Variants in MAPK10 observed in about 807,000 individuals in gnomAD.
MAPK10 encodes the protein mitogen-activated protein kinase 10.
In MAPK10, 25 loss-of-function variants were observed where a neutral mutation model predicts 59.3. The observed-to-expected ratio is 0.42, with a 90% confidence interval of 0.31 to 0.59. The LOEUF is 0.59. MAPK10 is among the 20% of genes least tolerant of loss of function. The pLI, the probability that MAPK10 is intolerant of heterozygous loss-of-function variation, is 0.15. For synonymous variants in MAPK10, 190 were observed against 200.5 expected (o/e 0.95, Z 0.44); for missense variants, 351 against 568.9 (o/e 0.62, Z 3.90).
chr4:86,017,460 T>A lies in MAPK10; in HGVS notation c.1253-90A>T, dbSNP rs1015288629. On this transcript the variant is annotated intron_variant, in intron 13 of 13. Coordinates refer to ENST00000641462, the MANE Select transcript of MAPK10 (RefSeq NM_138982.4). The surrounding 1 kb of genome is among the most constrained non-coding windows in gnomAD (Gnocchi z 4.4). ...AGGATTCAGGGATGGGCAAATACAA[T>A]AGGGGATGTCCAGTCCATCAATCAT... 3.6e-6 allele frequency: 5 copies of A among 1,391,526 alleles called. No homozygotes were observed. In the East Asian group the frequency reaches 6.9e-5, roughly 19 times the overall value. The allele number at this position is 1,391,526 out of a possible 1,614,324, so 86.2% of individuals were successfully genotyped here. A position where few individuals can be genotyped will look rare whatever the true frequency, so the allele number is the denominator to read the frequency against.
intron 1 of MAPK10, among the ~76,000 whole-genome samples, chr4:86,571,829 G>A (rs1374411764): frequency 1.3e-5 from 2 of 151,974 alleles, no homozygotes; most frequent in Non-Finnish European, 2.9e-5. Flanking sequence ...ATTATGTAAC[G>A]AGCCCCTTGT....
At chr4:86,465,949 A>G (rs1752163644) in intron 1 of MAPK10, among the ~76,000 whole-genome samples, 1 of 152,206 alleles carries the variant, frequency 6.6e-6, no homozygotes, top group Non-Finnish European at 1.5e-5. Flanking sequence ...GAGTAACTTA[A>G]TGGTAGCTAT....
At chr4:86,082,679 G>A (rs1438696528) in intron 9 of MAPK10, among the ~76,000 whole-genome samples, 1 of 152,184 alleles carries the variant, frequency 6.6e-6, no homozygotes, top group Admixed American at 6.5e-5. Flanking sequence ...ACAAGGGAAT[G>A]TAAAGGAACT....
chr4:86,167,769 C>G (rs562437364), intron 3 of MAPK10, among the ~76,000 whole-genome samples: 1 of 152,078 alleles, frequency 6.6e-6, no homozygotes, highest in East Asian at 1.9e-4. Context: ...TCCCACAACC[C>G]ACAACTGAAT....
intron 1 of MAPK10, among the ~76,000 whole-genome samples, chr4:86,461,539 G>A (rs551557509): frequency 6.6e-6 from 1 of 152,252 alleles, no homozygotes; most frequent in East Asian, 1.9e-4. Flanking sequence ...GAGTAAGAAG[G>A]GGAGCTTGGA....
At chr4:86,461,544 C>T (rs1226749226) in intron 1 of MAPK10, among the ~76,000 whole-genome samples, 1 of 152,152 alleles carries the variant, frequency 6.6e-6, no homozygotes, top group Non-Finnish European at 1.5e-5. Flanking sequence ...AGAAGGGGAG[C>T]TTGGAAGCAT....
At chr4:86,538,002 A>G (rs1231728164) in intron 1 of MAPK10, among the ~76,000 whole-genome samples, 1 of 152,116 alleles carries the variant, frequency 6.6e-6, no homozygotes, top group Admixed American at 6.5e-5. Flanking sequence ...TCATGTATGG[A>G]TTGGTGTAGT....
chr4:86,018,614 T>C (rs1372747926), intron 13 of MAPK10, among the ~76,000 whole-genome samples: 1 of 152,208 alleles, frequency 6.6e-6, no homozygotes, highest in Non-Finnish European at 1.5e-5. Context: ...ACCAAAGGCA[T>C]TGTGCGATAC....
At chr4:86,073,268 T>A (rs980236630) in intron 9 of MAPK10, among the ~76,000 whole-genome samples, 1 of 148,434 alleles carries the variant, frequency 6.7e-6, no homozygotes, top group Admixed American at 6.7e-5. Flanking sequence ...ATTGTGTCTA[T>A]TTGGTTCTTC....
chr4:86,168,775 AC>A (rs945896123), intron 3 of MAPK10, among the ~76,000 whole-genome samples: 14 of 151,876 alleles, frequency 9.2e-5, no homozygotes, highest in African/African-American at 3.1e-4. Context: ...TGGGTCCCTG[AC>A]CCCTGACCCC....
At chr4:86,567,837 G>A (rs1188205750) in intron 1 of MAPK10, among the ~76,000 whole-genome samples, 2 of 152,048 alleles carry the variant, frequency 1.3e-5, no homozygotes, top group Admixed American at 1.3e-4. Flanking sequence ...CAAGAAGATA[G>A]CATAAAGGAA....
chr4:86,078,772 C>G (rs1232354279), intron 9 of MAPK10, among the ~76,000 whole-genome samples: 1 of 152,000 alleles, frequency 6.6e-6, no homozygotes, highest in Non-Finnish European at 1.5e-5. Flanking sequence ...GGAGGATCAC[C>G]TGAGCCTGGG....
chr4:86,104,664 C>G (rs2056216115), intron 5 of MAPK10, among the ~76,000 whole-genome samples: 1 of 151,910 alleles, frequency 6.6e-6, no homozygotes, highest in Non-Finnish European at 1.5e-5. Flanking sequence ...AAATGCTAAC[C>G]CAGATCACTT....
chr4:86,130,631 TTA>T (rs2060837328), intron 4 of MAPK10, among the ~76,000 whole-genome samples: 1 of 152,162 alleles, frequency 6.6e-6, no homozygotes, highest in Non-Finnish European at 1.5e-5. Flanking sequence ...GGAAAGTAGA[TTA>T]AAGGGATTCA....
chr4:86,089,270 C>T lies in MAPK10; in HGVS notation c.802+9254G>A, dbSNP rs756020482. ...CTCCCATGATGCACCCTACTGACCA[C>T]ATGTCAACTGAAAACAAAAATGAAA... On this transcript the variant is annotated intron_variant, in intron 9 of 13. Transcript: ENST00000641462. The T allele has an allele frequency of 3.7e-6, 6 of 1,610,722 alleles. No homozygotes were observed. In the Admixed American group the frequency reaches 5.0e-5, roughly 13 times the overall value.
chr4:86,469,483 T>C (rs1361524306), intron 1 of MAPK10, among the ~76,000 whole-genome samples: 2 of 152,210 alleles, frequency 1.3e-5, no homozygotes, highest in African/African-American at 2.4e-5. Context: ...CTGGATTCTA[T>C]GGTTCTGTCT....
chr4:86,093,323 A>G (rs2149054816), intron 9 of MAPK10, among the ~76,000 whole-genome samples: 1 of 152,116 alleles, frequency 6.6e-6, no homozygotes, highest in South Asian at 2.1e-4. Flanking sequence ...CATTTAGTGT[A>G]GAATTTAGAC....
chr4:86,368,649 G>C (rs1205121042), intron 1 of MAPK10, among the ~76,000 whole-genome samples: 1 of 152,116 alleles, frequency 6.6e-6, no homozygotes, highest in African/African-American at 2.4e-5. Context: ...TTTTGCTTTT[G>C]TTTTGGAATG....
intron 11 of MAPK10, among the ~76,000 whole-genome samples, chr4:86,039,019 G>T (rs1220750231): frequency 6.6e-6 from 1 of 152,172 alleles, no homozygotes; most frequent in Non-Finnish European, 1.5e-5. Context: ...GCTTCAGCAA[G>T]TTTCAGGAAC....
Sources: gnomAD v4.1 joint callset for allele counts (sites outside exome capture counted in the v4.1 genomes callset) on GRCh38, gnomAD v4.1.1 for gene constraint, Gnocchi (gnomAD v3.1) non-coding constraint, MANE v1.5 for transcripts, NCBI Gene and HGNC (gene_info 2026-07-23, HGNC 2026-07-21) for gene names.